Variants in PPHLN1 observed in about 807,000 individuals in gnomAD.
PPHLN1 encodes the protein periphilin-1.
In PPHLN1, 29 loss-of-function variants were observed where a neutral mutation model predicts 51.3. That is an observed-to-expected ratio of 0.57 (90% CI 0.42 to 0.77). The LOEUF is 0.77. Ranked by LOEUF, PPHLN1 falls within the 30% of genes least tolerant of loss-of-function variation. PPHLN1 has a pLI of 0.00. For missense variants in PPHLN1, 436 were observed against 438.4 expected (o/e 0.99, Z 0.05); for synonymous variants, 147 against 147.8 (o/e 0.99, Z 0.04).
chr12:42,367,839 A>G (rs548258330), intron 4 of PPHLN1, among the ~76,000 whole-genome samples: 1 of 152,274 alleles, frequency 6.6e-6, no homozygotes, highest in East Asian at 1.9e-4. Context: ...GATTCAAGCC[A>G]TTCTCCTGCC....
downstream of PPHLN1, chr12:42,444,831 T>C: frequency 1.8e-6 from 1 of 541,300 alleles, no homozygotes. Flanking sequence ...GGTAGTTTCC[T>C]CCCCCATACC....
At chr12:42,394,032 C>T (rs933863902) in intron 8 of PPHLN1, among the ~76,000 whole-genome samples, 1 of 151,950 alleles carries the variant, frequency 6.6e-6, no homozygotes, top group African/African-American at 2.4e-5. Flanking sequence ...GAATTCAGAA[C>T]AGAAATCTAA....
intron 4 of PPHLN1, among the ~76,000 whole-genome samples, chr12:42,374,400 A>G (rs12229262): frequency 0.16 from 24,716 of 151,846 alleles, 2,061 homozygotes; most frequent in Admixed American, 0.2. Context: ...GCTGACTTCA[A>G]CAGTTAGGTA....
At chr12:42,371,864 TCTTTA>T (rs1237146970) in intron 4 of PPHLN1, among the ~76,000 whole-genome samples, 3 of 152,230 alleles carry the variant, frequency 2.0e-5, no homozygotes, top group Admixed American at 6.5e-5. Flanking sequence ...GACCTGTTTC[TCTTTA>T]CTTTAGATAT....
chr12:42,415,420 C>T (rs2080283420), intron 9 of PPHLN1, among the ~76,000 whole-genome samples: 1 of 152,232 alleles, frequency 6.6e-6, no homozygotes, highest in East Asian at 1.9e-4. Flanking sequence ...ATTCACCCGC[C>T]TCGGCCTCCC....
intron 2 of PPHLN1, among the ~76,000 whole-genome samples, chr12:42,336,694 G>A (rs893328176): frequency 6.6e-6 from 1 of 152,218 alleles, no homozygotes; most frequent in Non-Finnish European, 1.5e-5. Context: ...GTGAATATGT[G>A]TACTGACTCC....
chr12:42,408,532 T>C (rs1207372823), intron 9 of PPHLN1, among the ~76,000 whole-genome samples: 4 of 152,150 alleles, frequency 2.6e-5, no homozygotes, highest in South Asian at 2.1e-4. Flanking sequence ...TGTATTACTT[T>C]AGTAGTTAGG....
chr12:42,381,158 G>A (rs2076727904), intron 5 of PPHLN1, among the ~76,000 whole-genome samples: 1 of 152,144 alleles, frequency 6.6e-6, no homozygotes, highest in Non-Finnish European at 1.5e-5. Context: ...TTAATGCACT[G>A]TTGAATTAGA....
intron 5 of PPHLN1, among the ~76,000 whole-genome samples, chr12:42,378,559 A>G (rs1182887620): frequency 6.6e-6 from 1 of 151,996 alleles, no homozygotes; most frequent in Admixed American, 6.6e-5. Flanking sequence ...TATTATAAGT[A>G]TAAATAACAG....
intron 6 of PPHLN1, 76 bp downstream of exon 6, chr12:42,385,072 G>C: frequency 7.0e-7 from 1 of 1,426,454 alleles, no homozygotes; most frequent in Non-Finnish European, 9.9e-7. Flanking sequence ...TATGGAAATG[G>C]GGAAAGTGTA....
intron 1 of PPHLN1, among the ~76,000 whole-genome samples, chr12:42,335,487 A>C (rs1331792467): frequency 6.6e-6 from 1 of 152,128 alleles, no homozygotes. Context: ...CGAACTATTC[A>C]CCAGGAAATA....
At chr12:42,367,984 G>A (rs557069090) in intron 4 of PPHLN1, among the ~76,000 whole-genome samples, 1 of 152,094 alleles carries the variant, frequency 6.6e-6, no homozygotes, top group South Asian at 2.1e-4. Flanking sequence ...GATCCATCCC[G>A]CCTCGGCCTC....
intron 6 of PPHLN1, 89 bp downstream of exon 6, chr12:42,385,085 A>G (rs1391003970): frequency 2.3e-6 from 3 of 1,321,434 alleles, no homozygotes; most frequent in Non-Finnish European, 3.2e-6. Flanking sequence ...AAAGTGTATA[A>G]CTGCTCCATT....
chr12:42,367,330 T>G (rs2075368202), intron 4 of PPHLN1, among the ~76,000 whole-genome samples: 1 of 152,200 alleles, frequency 6.6e-6, no homozygotes, highest in African/African-American at 2.4e-5. Context: ...ACAAAACAGT[T>G]GAGTCCTATT....
At chr12:42,443,864 C>G (rs1169163632), downstream of PPHLN1, 1 of 152,154 alleles carries the variant, frequency 6.6e-6, no homozygotes, top group Non-Finnish European at 1.5e-5. Flanking sequence ...CAGAACAGGA[C>G]AGAGAAAAAT....
At chr12:42,421,983 C>G (rs2081048122) in intron 9 of PPHLN1, among the ~76,000 whole-genome samples, 1 of 151,968 alleles carries the variant, frequency 6.6e-6, no homozygotes, top group Non-Finnish European at 1.5e-5. Context: ...AGAAAGAAAG[C>G]TGCTGTGCTG....
chr12:42,346,784 T>C (rs1373634826), intron 2 of PPHLN1, among the ~76,000 whole-genome samples: 1 of 152,184 alleles, frequency 6.6e-6, no homozygotes, highest in Non-Finnish European at 1.5e-5. Flanking sequence ...ACCATAGCCA[T>C]CCTTAAGGGT....
chr12:42,414,560 C>G (rs1592849065), intron 9 of PPHLN1, among the ~76,000 whole-genome samples: 1 of 151,844 alleles, frequency 6.6e-6, no homozygotes, highest in East Asian at 1.9e-4. Flanking sequence ...GGATTGAGTT[C>G]TTGATTTGAT....
At position 42,383,952 on chromosome 12, in the gene PPHLN1, C is replaced by T. The variant is rs1159460533; in HGVS notation, c.512-988C>T. Among the ~76,000 whole-genome samples, 3 of 137,226 alleles carry T rather than the reference C, an allele frequency of 2.2e-5. No homozygotes were observed. The Admixed American group carries it at 2.4e-4, about 11-fold the overall frequency. The allele number at this position is 137,226 out of a possible 152,430, so 90.0% of individuals were successfully genotyped here. ...TGAACTGAGATCACGCCACTGCACT[C>T]CAGCCTGGGCAACAGAGTGAGACTG... On this transcript the variant is annotated intron_variant, in intron 5 of 9. Coordinates refer to ENST00000358314, the MANE Select transcript of PPHLN1 (RefSeq NM_201439.2).
Sources: gnomAD v4.1 joint callset for allele counts (sites outside exome capture counted in the v4.1 genomes callset) on GRCh38, gnomAD v4.1.1 for gene constraint, MANE v1.5 for transcripts, NCBI Gene and HGNC (gene_info 2026-07-23, HGNC 2026-07-21) for gene names.